VWF: variants seen among roughly 807,000 people sequenced by gnomAD.
VWF encodes Factor VIII related antigen.
Under a neutral mutation model 308.6 loss-of-function variants are expected in VWF, and 176 were observed. The observed-to-expected ratio is 0.57, with a 90% CI of 0.50 to 0.65. VWF has a LOEUF of 0.65. VWF is among the 30% of genes least tolerant of loss of function. The pLI is 0.00. For synonymous variants in VWF, 1,385 were observed against 1,443.4 expected, an observed-to-expected ratio of 0.96 and a Z score of 0.92; for missense variants, 3,146 against 3,648.2, an observed-to-expected ratio of 0.86 and a Z score of 3.55.
chr12:6,073,529 G>A (rs960165059), intron 8 of VWF, 90 bp downstream of exon 8: 77 of 1,578,112 alleles, frequency 4.9e-5, no homozygotes, highest in Non-Finnish European at 6.4e-5. Context: ...CAGCAACGGG[G>A]AGCAAACACA....
intron 24 of VWF, among the ~76,000 whole-genome samples, chr12:6,025,182 A>G (rs1944176744): frequency 6.6e-6 from 1 of 152,222 alleles, no homozygotes; most frequent in South Asian, 2.1e-4. Context: ...ATGGGCACCA[A>G]GGGGTTTTAG....
chr12:6,061,016 C>CA (rs887422251), intron 13 of VWF, among the ~76,000 whole-genome samples: 1 of 152,172 alleles, frequency 6.6e-6, no homozygotes, highest in African/African-American at 2.4e-5. Context: ...GCCTGGCCAA[C>CA]ATGGTGAAAC....
chr12:5,948,981 GGCA>G lies in VWF; in HGVS notation c.*31_*33del, dbSNP rs1943144717. On this transcript the variant is annotated 3_prime_UTR_variant, in exon 52 of 52. Transcript: ENST00000261405. This position sits in a 1 kb window ranked among gnomAD's most constrained non-coding sequence, Gnocchi z 4.4. ...CTGGCCTGGCCATCAGGCCAAGGCA[GGCA>G]GCAGCAGGCACCCATGCAGCTGCAG... 6.3e-7 allele frequency: 1 copy of G among 1,598,254 alleles called. No individual in the cohort carries two copies. The highest frequency in any genetic ancestry group is 1.3e-5 in the African/African-American group (1 of 74,500).
At chr12:5,997,972 T>C (rs971671178) in intron 34 of VWF, among the ~76,000 whole-genome samples, 4 of 152,224 alleles carry the variant, frequency 2.6e-5, no homozygotes, top group Non-Finnish European at 5.9e-5. Context: ...ATATCACTCA[T>C]AAATATCTCC....
intron 2 of VWF, chr12:6,122,618 A>G (rs1945444065): frequency 5.2e-6 from 2 of 388,234 alleles, no homozygotes; most frequent in Non-Finnish European, 1.0e-5. Context: ...CCCAAGGTCA[A>G]AAGTCCCCTC....
In VWF at chr12:6,073,731, G is replaced by A; in HGVS notation, c.885C>T (p.Cys295=). 6.2e-7 allele frequency: 1 copy of A among 1,613,932 alleles called. No individual in the cohort carries two copies. The highest frequency in any genetic ancestry group is 8.5e-7 in the Non-Finnish European group (1 of 1,180,000). ...WTDHSACSPV[C]PAGMEYRQCV... ...ACTGCCTATACTCCATACCAGCAGGGCACACTGGGCCTGAAAAGGAACATC... is the reference window on the plus strand; with the variant it reads ...ACTGCCTATACTCCATACCAGCAGGACACACTGGGCCTGAAAAGGAACATC... The change falls in exon 8 of 52, where the codon TGC becomes TGT. Residue 295 remains cysteine, a synonymous_variant. Coordinates refer to ENST00000261405, the MANE Select transcript of VWF (RefSeq NM_000552.5).
chr12:5,962,059 C>A (rs1943324362), intron 47 of VWF, among the ~76,000 whole-genome samples: 1 of 152,092 alleles, frequency 6.6e-6, no homozygotes, highest in African/African-American at 2.4e-5. Context: ...CTATGAGGAA[C>A]AGGCCATCAT....
chr12:5,951,906 G>T (rs1392155355), intron 49 of VWF, 23 bp from the exon 50 acceptor site: 2 of 1,614,074 alleles, frequency 1.2e-6, no homozygotes, highest in Non-Finnish European at 8.5e-7. Context: ...CAAAATTTCA[G>T]GTTAGGCACA....
At chr12:5,996,251 C>A (rs373673228) in intron 34 of VWF, 29 bp from the exon 35 acceptor site, 12 of 1,584,112 alleles carry the variant, frequency 7.6e-6, no homozygotes, top group Non-Finnish European at 8.6e-6. Flanking sequence ...AGGATGGATG[C>A]GACGTTATCC....
intron 31 of VWF, among the ~76,000 whole-genome samples, chr12:6,014,759 A>G (rs1944038275): frequency 6.6e-6 from 1 of 152,234 alleles, no homozygotes. Flanking sequence ...GACCCATGAC[A>G]CTGAACTAGA....
rs887119462 is a variant in VWF, at chr12:6,030,088, C to G, written c.2821-600G>C. Among the ~76,000 whole-genome samples the G allele has an allele frequency of 6.6e-5, 10 of 152,330 alleles. No individual in the cohort carries two copies. In the East Asian group the frequency reaches 7.7e-4, roughly 12 times the overall value. On this transcript the variant is annotated intron_variant, in intron 21 of 51. Coordinates refer to ENST00000261405, the MANE Select transcript of VWF (RefSeq NM_000552.5). ...GCCCAATCCCTGCCAGTGCTGTACC[C>G]TGGAGGACCATTTCAGCATGTGTGG...
At chr12:6,096,095 GGATGGATGGATA>G (rs1290381824) in intron 5 of VWF, 477 of 170,998 alleles carry the variant, frequency 2.8e-3, no homozygotes, top group African/African-American at 0.011. Context: ...GACTGAAGAA[GGATGGATGGATA>G]GATGGATGGA....
chr12:6,108,352 C>T (rs1480727314), intron 5 of VWF, among the ~76,000 whole-genome samples: 3 of 148,986 alleles, frequency 2.0e-5, no homozygotes, highest in African/African-American at 7.4e-5. Flanking sequence ...CACACACACA[C>T]ACACACACAC....
chr12:6,011,204 C>T (rs1223437775), intron 34 of VWF, among the ~76,000 whole-genome samples: 1 of 152,146 alleles, frequency 6.6e-6, no homozygotes. Context: ...TAATCCAGGC[C>T]GCCTTGGTGA....
Position 5,985,034 on chromosome 12 carries a change from G to A in VWF, c.6976+11C>T, listed in dbSNP as rs751395078. ...TGGGCCCTGGAGACATCCCCCTGGTGGGACACATACCACACTCATACTCGG... is the reference window on the plus strand; with the variant it reads ...TGGGCCCTGGAGACATCCCCCTGGTAGGACACATACCACACTCATACTCGG... On this transcript the variant is annotated intron_variant, in intron 40 of 51. Coordinates refer to ENST00000261405, the MANE Select transcript of VWF (RefSeq NM_000552.5). 1.3e-5 allele frequency: 21 copies of A among 1,613,942 alleles called. No individual in the cohort carries two copies. Among genetic ancestry groups the A allele is most frequent in the Admixed American group, 8.3e-5 (5 of 60,002 alleles).
At chr12:6,014,024 T>C (rs1444336707) in intron 31 of VWF, among the ~76,000 whole-genome samples, 4 of 152,102 alleles carry the variant, frequency 2.6e-5, no homozygotes, top group African/African-American at 9.7e-5. Flanking sequence ...TGGGTTATCG[T>C]TGCATATATG....
At chr12:6,053,966 G>A (rs1184307139) in intron 15 of VWF, among the ~76,000 whole-genome samples, 3 of 152,176 alleles carry the variant, frequency 2.0e-5, no homozygotes, top group African/African-American at 7.2e-5. Context: ...GGAAGGTGTG[G>A]GGAGCATTCT....
intron 3 of VWF, among the ~76,000 whole-genome samples, chr12:6,111,319 G>A (rs752482877): frequency 6.6e-5 from 10 of 152,158 alleles, no homozygotes; most frequent in Non-Finnish European, 1.2e-4. Context: ...CAAACAAAAA[G>A]GCAACACTGT....
Position 6,018,684 on chromosome 12 carries a change from A to G in VWF, c.4734T>C (p.Thr1578=), listed in dbSNP as rs779302623. The change falls in exon 28 of 52, where the codon ACT becomes ACC. Residue 1578 remains threonine, a synonymous_variant. Coordinates refer to ENST00000261405, the MANE Select transcript of VWF (RefSeq NM_000552.5). Reference sequence around the variant, plus strand: ...CAGAGAGGTACCGCAGGGCCAGCCCAGTGTTGGTCCTGTTGCCGCCCTGGT... The same window carrying G: ...CAGAGAGGTACCGCAGGGCCAGCCCGGTGTTGGTCCTGTTGCCGCCCTGGT... ...IRYQGGNRTN[T]GLALRYLSDH... is the part of the protein sequence containing the mutation. The G allele has an allele frequency of 6.2e-7, 1 of 1,613,798 alleles. No individual in the cohort carries two copies. The highest frequency in any genetic ancestry group is 1.7e-5 in the Admixed American group (1 of 60,024).
Sources: allele counts gnomAD v4.1 joint callset (sites outside exome capture counted in the v4.1 genomes callset), GRCh38; gene constraint gnomAD v4.1.1; non-coding constraint Gnocchi (gnomAD v3.1); transcripts MANE v1.5; gene names NCBI Gene and HGNC (gene_info 2026-07-23, HGNC 2026-07-21).